The following PTPRZ1 variants were observed in gnomAD, a reference collection of about 807,000 sequenced individuals.
PTPRZ1 encodes the protein protein tyrosine phosphatase receptor type Z1.
PTPRZ1 carries 82 observed loss-of-function variants against 214.1 expected under a neutral mutation model. The observed-to-expected ratio is 0.38, with a 90% CI of 0.32 to 0.46. The LOEUF is 0.46. Among genes scored for constraint, PTPRZ1 ranks in the 20% least tolerant of loss-of-function variants. The pLI, the probability that PTPRZ1 is intolerant of heterozygous loss-of-function variation, is 1.00. For missense variants in PTPRZ1, 2,603 were observed against 2,748.7 expected, an observed-to-expected ratio of 0.95 and a Z score of 1.19; for synonymous variants, 945 against 987.9, an observed-to-expected ratio of 0.96 and a Z score of 0.81.
At chr7:121,906,006 T>C (rs1043032216) in intron 1 of PTPRZ1, among the ~76,000 whole-genome samples, 2 of 152,204 alleles carry the variant, frequency 1.3e-5, no homozygotes, top group Non-Finnish European at 2.9e-5. Context: ...GCATGAGAGA[T>C]TGCTTCTCAA....
In PTPRZ1 at chr7:122,019,222, A is replaced by G. The variant is rs772076990; in HGVS notation, c.4942A>G (p.Thr1648Ala). Residue 1648 changes from threonine to alanine, a missense_variant, in exon 13 of 30, where the codon ACT (threonine) becomes GCT (alanine). Thr to Ala is a moderately conservative substitution (Grantham distance 58, BLOSUM62 0). Transcript: ENST00000393386. ...VIPLVIVSAL[T>A]FICLVVLVGI... ...ACCCCTTGTGATCGTGTCAGCCCTG[A>G]CTTTTATCTGTCTAGTGGTTCTTGT... The G allele has an allele frequency of 1.3e-5, 21 of 1,612,924 alleles. No individual in the cohort carries two copies. Among genetic ancestry groups the G allele is most frequent in the Non-Finnish European group, 1.8e-5 (21 of 1,178,976 alleles).
intron 6 of PTPRZ1, among the ~76,000 whole-genome samples, chr7:121,979,881 G>T (rs2116555213): frequency 6.6e-6 from 1 of 152,264 alleles, no homozygotes. Context: ...AATTTTGTTA[G>T]AAGAAAATGT....
chr7:122,055,195 C>G (rs553575452), intron 27 of PTPRZ1, 108 bp downstream of exon 27: 2 of 927,672 alleles, frequency 2.2e-6, no homozygotes, highest in South Asian at 3.1e-5. Context: ...GATTTTTTCC[C>G]CATTGAGACA....
intron 8 of PTPRZ1, among the ~76,000 whole-genome samples, chr7:121,993,594 A>AT (rs1270291267): frequency 1.5e-5 from 2 of 136,370 alleles, no homozygotes; most frequent in Non-Finnish European, 3.3e-5. Flanking sequence ...AAAAAAAAAA[A>AT]CACAAAACAA....
intron 2 of PTPRZ1, among the ~76,000 whole-genome samples, chr7:121,949,404 T>C (rs898502385): frequency 2.6e-5 from 4 of 152,140 alleles, no homozygotes; most frequent in Non-Finnish European, 5.9e-5. Context: ...ACCACGCACA[T>C]ATGAATTACT....
At chr7:121,957,690 G>A (rs1171867916) in intron 2 of PTPRZ1, among the ~76,000 whole-genome samples, 7 of 152,150 alleles carry the variant, frequency 4.6e-5, no homozygotes. Context: ...TCTGAGATGT[G>A]GAGATTATTC....
intron 1 of PTPRZ1, chr7:121,908,364 G>GTCGCCGTATCATT: frequency 2.0e-5 from 5 of 251,842 alleles, no homozygotes; most frequent in Non-Finnish European, 3.1e-5. Context: ...AATCCCTTTG[G>GTCGCCGTATCATT]AAAAGAATAT....
chr7:122,061,603 T>C lies in PTPRZ1; in HGVS notation c.*383T>C, dbSNP rs1418955144. 1 of 154,878 alleles carries C rather than the reference T, an allele frequency of 6.5e-6. No individual in the cohort carries two copies. Among genetic ancestry groups the C allele is most frequent in the Admixed American group, 6.5e-5 (1 of 15,456 alleles). 9.6% of individuals were successfully genotyped at this position (154,878 alleles called of 1,614,324 possible). ...GCAATTATCAGGTTTGCTAGAAATA[T>C]AACTTTTAATACAGTAGCCTGTAAA... is the stretch of plus-strand genomic sequence containing the variant. On this transcript the variant is annotated 3_prime_UTR_variant, in exon 30 of 30. Coordinates refer to ENST00000393386, the MANE Select transcript of PTPRZ1 (RefSeq NM_002851.3).
chr7:121,972,740 A>G, intron 4 of PTPRZ1, 48 bp downstream of exon 4: 2 of 1,355,844 alleles, frequency 1.5e-6, no homozygotes, highest in East Asian at 5.0e-5. Flanking sequence ...TAAATAATTG[A>G]TGTTTTTATT....
intron 4 of PTPRZ1, among the ~76,000 whole-genome samples, chr7:121,973,224 T>G (rs2116531515): frequency 6.6e-6 from 1 of 152,168 alleles, no homozygotes; most frequent in South Asian, 2.1e-4. Context: ...TTGCAAAAAT[T>G]TATTTAAAAT....
chr7:121,935,770 G>T (rs1442227178), intron 2 of PTPRZ1, among the ~76,000 whole-genome samples: 2 of 151,834 alleles, frequency 1.3e-5, no homozygotes, highest in African/African-American at 4.8e-5. Context: ...GGGTTTCACC[G>T]TGTTAGCCAG....
chr7:121,892,683 T>TATATATAC (rs1488295817), intron 1 of PTPRZ1, among the ~76,000 whole-genome samples: 2 of 18,772 alleles, frequency 1.1e-4, no homozygotes, highest in Middle Eastern at 0.014. Flanking sequence ...GCATCTCATA[T>TATATATAC]ATATATATAT....
chr7:122,039,237 A>G (rs1243346513), intron 19 of PTPRZ1, among the ~76,000 whole-genome samples: 1 of 152,108 alleles, frequency 6.6e-6, no homozygotes, highest in Non-Finnish European at 1.5e-5. Context: ...CTGAAAGGGG[A>G]AATTTTAGGG....
At chr7:121,983,580 G>A (rs1797679945) in intron 6 of PTPRZ1, 85 bp from the exon 7 acceptor site, 1 of 1,238,378 alleles carries the variant, frequency 8.1e-7, no homozygotes, top group Non-Finnish European at 1.1e-6. Flanking sequence ...ACATAACAAA[G>A]CATGTGTCTC....
intron 6 of PTPRZ1, among the ~76,000 whole-genome samples, chr7:121,981,811 T>C (rs913343114): frequency 1.3e-5 from 2 of 152,060 alleles, no homozygotes; most frequent in Admixed American, 1.3e-4. Context: ...CACAAACACA[T>C]CTGTGTATAT....
At chr7:122,006,452 G>C (rs1798488868) in intron 11 of PTPRZ1, among the ~76,000 whole-genome samples, 1 of 151,950 alleles carries the variant, frequency 6.6e-6, no homozygotes, top group African/African-American at 2.4e-5. Context: ...ACTTCTATTA[G>C]ATCAACTTTT....
intron 11 of PTPRZ1, among the ~76,000 whole-genome samples, chr7:122,008,887 A>G (rs1484521100): frequency 6.6e-6 from 1 of 152,138 alleles, no homozygotes; most frequent in African/African-American, 2.4e-5. Flanking sequence ...ATTTTCCCTA[A>G]AAGCAAGTCA....
chr7:121,889,626 C>A (rs1163292310), intron 1 of PTPRZ1, among the ~76,000 whole-genome samples: 1 of 152,110 alleles, frequency 6.6e-6, no homozygotes, highest in East Asian at 1.9e-4. Context: ...CTCTTGACTT[C>A]TTCCACATTT....
chr7:122,045,910 G>C (rs1799883125), intron 23 of PTPRZ1, among the ~76,000 whole-genome samples: 2 of 151,976 alleles, frequency 1.3e-5, no homozygotes, highest in Admixed American at 1.3e-4. Context: ...GTATTTGTGT[G>C]TATGTGTGTG....
Sources: gnomAD v4.1 joint callset for allele counts (sites outside exome capture counted in the v4.1 genomes callset) on GRCh38, gnomAD v4.1.1 for gene constraint, MANE v1.5 for transcripts, NCBI Gene and HGNC (gene_info 2026-07-23, HGNC 2026-07-21) for gene names.